The following ZMYM1 variants were observed in gnomAD, a reference collection of about 807,000 sequenced individuals.
ZMYM1 encodes zinc finger MYM-type containing 1.
A neutral mutation model predicts 60.0 loss-of-function variants in ZMYM1; 39 were observed. That is an observed-to-expected ratio of 0.65 (90% CI 0.50 to 0.85). The LOEUF is 0.85. Among genes scored for constraint, ZMYM1 ranks in the 40% least tolerant of loss-of-function variants. The probability of loss-of-function intolerance (pLI) is 0.00; values close to 1 mark genes in which losing one functional copy is unlikely to be tolerated. For synonymous variants in ZMYM1, 413 were observed against 454.0 expected, an observed-to-expected ratio of 0.91 and a Z score of 1.15; for missense variants, 1,171 against 1,309.5, an observed-to-expected ratio of 0.89 and a Z score of 1.63.
At chr1:35,106,838 TTTGTTGTTG>T (rs200589076) in intron 6 of ZMYM1, among the ~76,000 whole-genome samples, 7 of 151,224 alleles carry the variant, frequency 4.6e-5, no homozygotes, top group South Asian at 2.1e-4. Context: ...TGGGTTGTTT[TTTGTTGTTG>T]TTGTTGTTGT....
chr1:35,088,464 G>A (rs370615910), intron 1 of ZMYM1, among the ~76,000 whole-genome samples: 4,708 of 85,090 alleles, frequency 0.055, 130 homozygotes, highest in South Asian at 0.087. Flanking sequence ...ATGTGTGTGT[G>A]TGTGTGTGTG....
In ZMYM1 at chr1:35,097,442, G is replaced by A; in HGVS notation, c.295G>A (p.Gly99Arg). The A allele has an allele frequency of 6.2e-7, 1 of 1,614,076 alleles. No homozygotes were observed. Among genetic ancestry groups the A allele is most frequent in the Non-Finnish European group, 8.5e-7 (1 of 1,180,014 alleles). Residue 99 changes from glycine to arginine, a missense_variant, in exon 4 of 10, where the codon GGG (glycine) becomes AGG (arginine). Physicochemically the swap from Gly to Arg is moderately radical, Grantham distance 125 (BLOSUM62 -2). Coordinates refer to ENST00000359858, the MANE Select transcript of ZMYM1 (RefSeq NM_024772.5). ...TGGTTGTAAAAAAATTCTCCAGAAG[G>A]GGCAAACTGCTTATCAGAGGAAAGG... is the stretch of plus-strand genomic sequence containing the variant. ...CAGCKKILQK[G>R]QTAYQRKGSA...
intron 1 of ZMYM1, among the ~76,000 whole-genome samples, chr1:35,084,875 C>G (rs1204782981): frequency 6.6e-6 from 1 of 151,964 alleles, no homozygotes; most frequent in African/African-American, 2.4e-5. Context: ...ACTTTAGAAT[C>G]CAGTACTTCT....
At chr1:35,109,704 T>C (rs1644019946) in intron 6 of ZMYM1, among the ~76,000 whole-genome samples, 1 of 152,084 alleles carries the variant, frequency 6.6e-6, no homozygotes, top group Non-Finnish European at 1.5e-5. Context: ...CCAGTAGGCT[T>C]TGACTGCCTG....
intron 6 of ZMYM1, among the ~76,000 whole-genome samples, chr1:35,109,456 T>C (rs1644010446): frequency 6.6e-6 from 1 of 152,240 alleles, no homozygotes; most frequent in Admixed American, 6.5e-5. Flanking sequence ...TGGTTACTAC[T>C]TACTGAACTC....
chr1:35,096,124 C>A (rs769824977), intron 3 of ZMYM1, among the ~76,000 whole-genome samples: 1 of 151,900 alleles, frequency 6.6e-6, no homozygotes, highest in Non-Finnish European at 1.5e-5. Context: ...ACCAGTTTGG[C>A]CAACATAGTG....
chr1:35,093,840 T>A (rs1414810833), intron 1 of ZMYM1, 74 bp from the exon 2 acceptor site: 1 of 530,930 alleles, frequency 1.9e-6, no homozygotes, highest in Non-Finnish European at 3.3e-6. Flanking sequence ...AAGACCCTTT[T>A]GTGGTTCTAG....
At chr1:35,075,973 T>A (rs1006658203), upstream of ZMYM1, among the ~76,000 whole-genome samples, 1 of 152,112 alleles carries the variant, frequency 6.6e-6, no homozygotes, top group African/African-American at 2.4e-5. Flanking sequence ...CCTCCTTTTA[T>A]CCAGAACACC....
chr1:35,078,537 ATTTTTTTT>A (rs751468260), upstream of ZMYM1, among the ~76,000 whole-genome samples: 716 of 82,230 alleles, frequency 8.7e-3, 7 homozygotes, highest in African/African-American at 0.033. Context: ...GGTTATTTTA[ATTTTTTTT>A]TTTTTTTTTT....
At chr1:35,091,274 G>A (rs1021400040) in intron 1 of ZMYM1, among the ~76,000 whole-genome samples, 2 of 151,586 alleles carry the variant, frequency 1.3e-5, no homozygotes, top group South Asian at 2.1e-4. Context: ...GTGCAGTGGC[G>A]CGATCTCGGC....
At chr1:35,084,224 C>G (rs907773611) in intron 1 of ZMYM1, among the ~76,000 whole-genome samples, 1 of 148,938 alleles carries the variant, frequency 6.7e-6, no homozygotes, top group Non-Finnish European at 1.5e-5. Flanking sequence ...TACAGAACTT[C>G]TCCATCTTTC....
At chr1:35,091,017 T>G (rs535411097) in intron 1 of ZMYM1, among the ~76,000 whole-genome samples, 8 of 152,030 alleles carry the variant, frequency 5.3e-5, no homozygotes, top group Non-Finnish European at 7.4e-5. Flanking sequence ...AGAAGAAGAA[T>G]AATTCCAGGT....
intron 1 of ZMYM1, among the ~76,000 whole-genome samples, chr1:35,083,511 G>A (rs759055477): frequency 1.3e-5 from 2 of 151,946 alleles, no homozygotes; most frequent in African/African-American, 2.4e-5. Flanking sequence ...ATGCCTACTC[G>A]CGTTTTTCTT....
chr1:35,112,551 A>T (rs933069972), intron 9 of ZMYM1, among the ~76,000 whole-genome samples: 29 of 116,614 alleles, frequency 2.5e-4, no homozygotes, highest in Middle Eastern at 3.8e-3. Flanking sequence ...AATATATTAT[A>T]ATATATTGTA....
intron 1 of ZMYM1, among the ~76,000 whole-genome samples, chr1:35,081,276 A>G (rs1642374175): frequency 6.6e-6 from 1 of 152,192 alleles, no homozygotes; most frequent in African/African-American, 2.4e-5. Context: ...GCGAAGAAAT[A>G]AGGGATAGGA....
rs372749596 is a variant in ZMYM1 at position 35,114,666 on chromosome 1, G to C, written c.2836G>C (p.Asp946His). 1.1e-5 allele frequency: 17 copies of C among 1,593,566 alleles called. No individual in the cohort carries two copies. The highest frequency in any genetic ancestry group is 1.4e-5 in the Non-Finnish European group (17 of 1,174,650). The change falls in exon 10 of 10, where the codon GAT becomes CAT. Residue 946 changes from aspartate (D) to histidine (H), a missense_variant. By Grantham distance (81) the Asp-to-His change is moderately conservative. Transcript: ENST00000359858. ...AAGAAGAAAAATTCAGAAATCAGTAGATCTTGGCAATTCAGATAATATGTT... is the reference window on the plus strand; with the variant it reads ...AAGAAGAAAAATTCAGAAATCAGTACATCTTGGCAATTCAGATAATATGTT... Reference protein sequence around the residue: ...QKRRKIQKSVDLGNSDNMFFP... With the variant: ...QKRRKIQKSVHLGNSDNMFFP...
At chr1:35,096,694 C>A (rs1164043802) in intron 3 of ZMYM1, among the ~76,000 whole-genome samples, 1 of 151,988 alleles carries the variant, frequency 6.6e-6, no homozygotes, top group Non-Finnish European at 1.5e-5. Context: ...CCACCACACC[C>A]AGATAATTTT....
rs1440419096 is a variant in ZMYM1 at position 35,114,203 on chromosome 1, T to A, written c.2373T>A (p.Ile791=). Residue 791 remains isoleucine, a synonymous_variant, in exon 10 of 10, where the codon ATT becomes ATA. Coordinates refer to ENST00000359858, the MANE Select transcript of ZMYM1 (RefSeq NM_024772.5). The part of the protein sequence containing the change: ...SGEMLANFRN[I]YRLSQNKTCK... Reference sequence around the variant, plus strand: ...AAATGTTGGCAAATTTTCGAAACATTTATAGGCTAAGTCAAAACAAAACAT... The same window carrying A: ...AAATGTTGGCAAATTTTCGAAACATATATAGGCTAAGTCAAAACAAAACAT... 6.2e-7 allele frequency: 1 copy of A among 1,612,946 alleles called. No homozygotes were observed. The highest frequency in any genetic ancestry group is 1.3e-5 in the African/African-American group (1 of 74,894).
At chr1:35,068,649 A>AAATAT (rs1451846357) in intron 1 of ZMYM1, among the ~76,000 whole-genome samples, 1 of 145,232 alleles carries the variant, frequency 6.9e-6, no homozygotes, top group African/African-American at 2.6e-5. Context: ...CAAAAAAAAA[A>AAATAT]ATATATATAT....
Sources: allele counts gnomAD v4.1 joint callset (sites outside exome capture counted in the v4.1 genomes callset), GRCh38; gene constraint gnomAD v4.1.1; transcripts MANE v1.5; gene names NCBI Gene and HGNC (gene_info 2026-07-23, HGNC 2026-07-21).